Variants in COL19A1 observed in about 807,000 individuals in gnomAD.
COL19A1 encodes the protein collagen alpha-1(XIX) chain.
Under a neutral mutation model 190.2 loss-of-function variants are expected in COL19A1, and 159 were observed. That is an observed-to-expected ratio of 0.84 (90% CI 0.73 to 0.95). The LOEUF is 0.95. Ranked by LOEUF, COL19A1 falls within the 40% of genes least tolerant of loss-of-function variation. The pLI is 0.00. For missense variants in COL19A1, 1,418 were observed against 1,431.9 expected (o/e 0.99, Z 0.16); for synonymous variants, 509 against 458.9 (o/e 1.11, Z -1.39).
At chr6:69,954,816 A>C (rs1774317838) in intron 9 of COL19A1, among the ~76,000 whole-genome samples, 1 of 152,084 alleles carries the variant, frequency 6.6e-6, no homozygotes, top group Non-Finnish European at 1.5e-5. Context: ...GGCTAAAGAT[A>C]AGTAACCAAT....
intron 44 of COL19A1, among the ~76,000 whole-genome samples, chr6:70,182,623 G>A (rs1476527798): frequency 1.3e-5 from 2 of 152,178 alleles, no homozygotes; most frequent in Non-Finnish European, 2.9e-5. Flanking sequence ...AGAAAATCGG[G>A]CAAGTGAGGT....
At chr6:70,056,501 A>G (rs1254989621) in intron 14 of COL19A1, among the ~76,000 whole-genome samples, 1 of 152,144 alleles carries the variant, frequency 6.6e-6, no homozygotes, top group Non-Finnish European at 1.5e-5. Flanking sequence ...GAGTAGAACT[A>G]CACTTACCTC....
intron 4 of COL19A1, among the ~76,000 whole-genome samples, chr6:69,925,957 A>T (rs2150008192): frequency 6.6e-6 from 1 of 152,334 alleles, no homozygotes; most frequent in Admixed American, 6.5e-5. Flanking sequence ...ACTTTGCTGA[A>T]GTTGCTTATC....
Position 70,144,978 on chromosome 6 carries a change from C to A in COL19A1, c.1741C>A (p.Pro581Thr), listed in dbSNP as rs1482458968. Residue 581 changes from proline (P) to threonine (T), a missense_variant, in exon 25 of 51, where the codon CCT becomes ACT. Coordinates refer to ENST00000620364, the MANE Select transcript of COL19A1 (RefSeq NM_001858.6). ...GLPGPKGEAG[P>T]PGKSLPGEPG... ...TCCAGGTCCAAAAGGTGAGGCTGGT[C>A]CTCCAGGGAAAAGCCTGCCAGGGGA... 6.3e-7 allele frequency: 1 copy of A among 1,593,740 alleles called. No individual in the cohort carries two copies. Among genetic ancestry groups the A allele is most frequent in the Admixed American group, 1.7e-5 (1 of 58,172 alleles).
At chr6:70,138,786 A>G (rs890024672) in intron 19 of COL19A1, among the ~76,000 whole-genome samples, 23 of 152,024 alleles carry the variant, frequency 1.5e-4, no homozygotes, top group African/African-American at 5.3e-4. Context: ...TGCCCTTAGT[A>G]TTCAGTTCAA....
intron 11 of COL19A1, among the ~76,000 whole-genome samples, chr6:70,021,157 TA>T (rs1212177268): frequency 6.6e-6 from 1 of 152,200 alleles, no homozygotes; most frequent in African/African-American, 2.4e-5. Context: ...TTTTATATGT[TA>T]AAAAGTATGC....
chr6:70,008,632 C>T (rs1777782172), intron 11 of COL19A1, among the ~76,000 whole-genome samples: 2 of 151,740 alleles, frequency 1.3e-5, no homozygotes, highest in South Asian at 4.1e-4. Flanking sequence ...ACCAATCCTA[C>T]ACATAATTTT....
chr6:69,891,631 C>T (rs186811294), intron 2 of COL19A1, among the ~76,000 whole-genome samples: 132 of 152,274 alleles, frequency 8.7e-4, no homozygotes, highest in African/African-American at 3.1e-3. Flanking sequence ...TGGCAGCTGC[C>T]GCCATGAGTG....
intron 34 of COL19A1, among the ~76,000 whole-genome samples, chr6:70,160,051 C>T (rs1041126358): frequency 6.6e-6 from 1 of 152,042 alleles, no homozygotes; most frequent in African/African-American, 2.4e-5. Context: ...TTCCCACTAC[C>T]CAGGAGGGAC....
At chr6:70,054,815 T>A (rs1374466418) in intron 14 of COL19A1, among the ~76,000 whole-genome samples, 1 of 152,228 alleles carries the variant, frequency 6.6e-6, no homozygotes, top group East Asian at 1.9e-4. Context: ...AGGTGAAAAC[T>A]AAACCACAAA....
intron 42 of COL19A1, among the ~76,000 whole-genome samples, chr6:70,179,718 G>T (rs1376934109): frequency 2.0e-5 from 3 of 152,112 alleles, no homozygotes; most frequent in Non-Finnish European, 4.4e-5. Flanking sequence ...GTCCAATAAT[G>T]ATGATACTTT....
At chr6:69,916,757 A>G (rs910196837) in intron 4 of COL19A1, among the ~76,000 whole-genome samples, 13 of 152,200 alleles carry the variant, frequency 8.5e-5, no homozygotes, top group Non-Finnish European at 1.6e-4. Context: ...GAAAATAGAG[A>G]CATTTTTCCC....
intron 4 of COL19A1, among the ~76,000 whole-genome samples, chr6:69,908,122 G>C (rs1770679986): frequency 1.3e-5 from 2 of 152,140 alleles, no homozygotes; most frequent in African/African-American, 2.4e-5. Flanking sequence ...CCTCTTAAGG[G>C]ACTATTTTGA....
At chr6:70,133,055 T>G (rs879145036) in intron 18 of COL19A1, among the ~76,000 whole-genome samples, 1 of 152,222 alleles carries the variant, frequency 6.6e-6, no homozygotes, top group South Asian at 2.1e-4. Flanking sequence ...GAGGTCTCAT[T>G]TAGCACTTTT....
At chr6:69,891,231 T>C (rs1769330631) in intron 2 of COL19A1, 1 of 154,444 alleles carries the variant, frequency 6.5e-6, no homozygotes. Flanking sequence ...CTTTACCCTT[T>C]TGCTAGTATG....
intron 9 of COL19A1, among the ~76,000 whole-genome samples, chr6:69,947,984 C>T (rs1297822982): frequency 1.3e-5 from 2 of 151,838 alleles, no homozygotes; most frequent in African/African-American, 4.8e-5. Context: ...GATTCTTCAT[C>T]ATAAATAAAA....
In COL19A1 at chr6:70,168,027, T is replaced by C. The variant is rs114970327; in HGVS notation, c.2448T>C (p.Gly816=). Residue 816 remains glycine (G), a splice_region_variant and synonymous_variant, in exon 38 of 51, where the codon GGT becomes GGC. Transcript: ENST00000620364. ...CTGTATCTCACCTCTTTCCTAAGGG[T>C]ATTCCATTTAATGAACGAAACGGCA... ...PGKPGPPGPP[G]IPFNERNGMS... 3.9e-4 allele frequency: 618 copies of C among 1,590,296 alleles called. 3 individuals are homozygous for C. In the African/African-American group the frequency reaches 7.7e-3, roughly 20 times the overall value.
rs1428543337 is a variant in COL19A1 at position 70,208,179 on chromosome 6, T to C, written c.*905T>C. 6.6e-6 allele frequency: 1 copy of C among 152,218 alleles called. No homozygotes were observed. Among genetic ancestry groups the C allele is most frequent in the East Asian group, 1.9e-4 (1 of 5,194 alleles). 9.4% of individuals were successfully genotyped at this position (152,218 alleles called of 1,614,324 possible). ...AAAGCTTCAGTGGCCTAGCAAGATC[T>C]TTGGGCCCTTGTATCCATTATCCTT... On this transcript the variant is annotated 3_prime_UTR_variant, in exon 51 of 51. Transcript: ENST00000620364.
intron 10 of COL19A1, among the ~76,000 whole-genome samples, chr6:69,961,927 G>T (rs936191847): frequency 2.0e-5 from 3 of 152,064 alleles, no homozygotes; most frequent in African/African-American, 4.8e-5. Context: ...TGTACCAAGG[G>T]TCACCTTGTT....
Sources: gnomAD v4.1 joint callset for allele counts (sites outside exome capture counted in the v4.1 genomes callset) on GRCh38, gnomAD v4.1.1 for gene constraint, MANE v1.5 for transcripts, NCBI Gene and HGNC (gene_info 2026-07-23, HGNC 2026-07-21) for gene names.